The following EFCAB14 variants were observed in gnomAD, a reference collection of about 807,000 sequenced individuals.
EFCAB14 encodes EF-hand calcium-binding domain-containing protein 14.
EFCAB14 carries 43 observed loss-of-function variants against 56.5 expected under a neutral mutation model. That is an observed-to-expected ratio of 0.76 (90% confidence interval 0.60 to 0.98). The LOEUF (loss-of-function observed/expected upper bound fraction) is 0.98. Ranked by LOEUF, EFCAB14 falls within the 50% of genes least tolerant of loss-of-function variation. The pLI is 0.00. For synonymous variants in EFCAB14, 235 were observed against 212.9 expected (o/e 1.10, Z -0.90); for missense variants, 538 against 580.3 (o/e 0.93, Z 0.75).
At chr1:46,693,565 C>T (rs1411781053) in intron 4 of EFCAB14, among the ~76,000 whole-genome samples, 1 of 152,182 alleles carries the variant, frequency 6.6e-6, no homozygotes, top group African/African-American at 2.4e-5. Context: ...TATGTAAGCT[C>T]TGAATGCCTG....
chr1:46,683,502 T>C, intron 9 of EFCAB14, 77 bp from the exon 10 acceptor site: 1 of 1,439,138 alleles, frequency 6.9e-7, no homozygotes, highest in Admixed American at 2.1e-5. Context: ...AGGTCACCTT[T>C]TAGGAAAATT....
At chr1:46,714,333 T>C (rs1312900918) in intron 2 of EFCAB14, among the ~76,000 whole-genome samples, 1 of 151,906 alleles carries the variant, frequency 6.6e-6, no homozygotes, top group Non-Finnish European at 1.5e-5. Context: ...GGTGTGCTCA[T>C]GCTATTAAGG....
intron 2 of EFCAB14, among the ~76,000 whole-genome samples, chr1:46,711,084 A>G (rs1677301806): frequency 6.6e-6 from 1 of 152,220 alleles, no homozygotes; most frequent in Non-Finnish European, 1.5e-5. Context: ...TATTGTGAAT[A>G]ATGCTATAAT....
At chr1:46,689,456 C>G (rs1676954793) in intron 6 of EFCAB14, 131 bp downstream of exon 6, 2 of 779,750 alleles carry the variant, frequency 2.6e-6, no homozygotes, top group Non-Finnish European at 4.3e-6. Context: ...ACATTCCTCT[C>G]TGCTCAGCTC....
In EFCAB14 at chr1:46,718,070, C is replaced by T. The variant is rs778499124; in HGVS notation, c.18G>A (p.Glu6=). 6.2e-7 allele frequency: 1 copy of T among 1,614,056 alleles called. No individual in the cohort carries two copies. The highest frequency in any genetic ancestry group is 8.5e-7 in the Non-Finnish European group (1 of 1,179,972). Residue 6 remains glutamate (E), a synonymous_variant, in exon 1 of 11, where the codon GAG becomes GAA. Coordinates refer to ENST00000371933, the MANE Select transcript of EFCAB14 (RefSeq NM_014774.3). The part of the protein sequence containing the change: MKKRK[E]LNALIGLAGD... ...CAGCCAAACCAATCAATGCATTGAG[C>T]TCTTTGCGCTTTTTCATCTTTTTGT...
intron 4 of EFCAB14, among the ~76,000 whole-genome samples, chr1:46,693,557 T>C (rs1180435726): frequency 6.6e-6 from 1 of 152,204 alleles, no homozygotes; most frequent in African/African-American, 2.4e-5. Context: ...TTGCTATCTA[T>C]GTAAGCTCTG....
chr1:46,680,973 C>CT (rs202142759), intron 10 of EFCAB14, among the ~76,000 whole-genome samples: 262 of 144,494 alleles, frequency 1.8e-3, no homozygotes, highest in Middle Eastern at 7.1e-3. Flanking sequence ...ATATACATAA[C>CT]TTTTTTTTTT....
intron 2 of EFCAB14, among the ~76,000 whole-genome samples, chr1:46,709,659 T>C (rs985322186): frequency 6.6e-6 from 1 of 152,180 alleles, no homozygotes; most frequent in Non-Finnish European, 1.5e-5. Flanking sequence ...ATGGAGTTAA[T>C]GTTATACTAT....
At position 46,688,502 on chromosome 1, in the gene EFCAB14, C is replaced by A. The variant is rs1425867657; in HGVS notation, c.838G>T (p.Ala280Ser). ...TTCTGTCTCTGGTACCCCACTAGGGCACTGTTTACCTCCTCTAAAGAGTTG... is the reference window on the plus strand; with the variant it reads ...TTCTGTCTCTGGTACCCCACTAGGGAACTGTTTACCTCCTCTAAAGAGTTG... ...LHNSLEEVNS[A>S]LVGYQRQNDL... is the part of the protein sequence containing the mutation. Residue 280 changes from alanine to serine, a missense_variant, in exon 7 of 11, where the codon GCC becomes TCC. Physicochemically the swap from Ala to Ser is moderately conservative, Grantham distance 99. Coordinates refer to ENST00000371933, the MANE Select transcript of EFCAB14 (RefSeq NM_014774.3). 1 of 1,613,832 alleles carries A rather than the reference C, an allele frequency of 6.2e-7. No homozygotes were observed. The highest frequency in any genetic ancestry group is 8.5e-7 in the Non-Finnish European group (1 of 1,179,830).
chr1:46,702,333 T>TA (rs1295125660), intron 3 of EFCAB14, among the ~76,000 whole-genome samples: 1 of 152,188 alleles, frequency 6.6e-6, no homozygotes, highest in Non-Finnish European at 1.5e-5. Flanking sequence ...GATGAGTGAT[T>TA]ATTAGTCCTA....
At position 46,677,572 on chromosome 1, in the gene EFCAB14, A is replaced by C. The variant is rs1197471983; in HGVS notation, c.*889T>G. 6.6e-6 allele frequency: 1 copy of C among 152,156 alleles called. No homozygotes were observed. The highest frequency in any genetic ancestry group is 2.4e-5 in the African/African-American group (1 of 41,430). 9.4% of individuals were successfully genotyped at this position (152,156 alleles called of 1,614,324 possible). A position where few individuals can be genotyped will look rare whatever the true frequency, so the allele number is the denominator to read the frequency against. On this transcript the variant is annotated 3_prime_UTR_variant, in exon 11 of 11. Transcript: ENST00000371933. ...GGTGGTGGGAGCCAGCTACGGCTTT[A>C]AGACAGACTTAAGTGGGTGGGTGGG...
chr1:46,709,917 G>T (rs944441373), intron 2 of EFCAB14, among the ~76,000 whole-genome samples: 1 of 152,308 alleles, frequency 6.6e-6, no homozygotes, highest in East Asian at 1.9e-4. Flanking sequence ...GAACCTGGGA[G>T]GTGGAGGTTG....
intron 3 of EFCAB14, among the ~76,000 whole-genome samples, chr1:46,706,501 T>C (rs575173088): frequency 2.6e-5 from 4 of 152,334 alleles, no homozygotes; most frequent in Admixed American, 2.0e-4. Flanking sequence ...TGACTTTGCC[T>C]TTTCATGCTG....
At chr1:46,680,108 G>A (rs1676768424) in intron 10 of EFCAB14, among the ~76,000 whole-genome samples, 1 of 152,148 alleles carries the variant, frequency 6.6e-6, no homozygotes, top group South Asian at 2.1e-4. Context: ...CTCACACATT[G>A]CTGATGGGAA....
At chr1:46,683,200 A>G in intron 10 of EFCAB14, 100 bp downstream of exon 10, 1 of 1,380,376 alleles carries the variant, frequency 7.2e-7, no homozygotes, top group Non-Finnish European at 9.9e-7. Flanking sequence ...TATCTCCTCA[A>G]TAAATGTTAG....
rs543870856 is a variant in EFCAB14 at position 46,686,954 on chromosome 1, A to C, written c.988-84T>G. ...CTTGAACACCTAGCACTTTTAAACA[A>C]ATTCGTCAAACTTATTTAAAGGATC... On this transcript the variant is annotated intron_variant, in intron 7 of 10. Transcript: ENST00000371933. 641 of 1,281,018 alleles carry C rather than the reference A, an allele frequency of 5.0e-4. 9 individuals carry two copies. The South Asian group carries it at 7.3e-3, about 15-fold the overall frequency. The allele number at this position is 1,281,018 out of a possible 1,614,324, so 79.4% of individuals were successfully genotyped here.
At chr1:46,713,298 A>C (rs1024163502) in intron 2 of EFCAB14, among the ~76,000 whole-genome samples, 1 of 152,190 alleles carries the variant, frequency 6.6e-6, no homozygotes, top group Non-Finnish European at 1.5e-5. Context: ...AGCTGGACTG[A>C]CAATTCCAAA....
At position 46,676,481 on chromosome 1, in the gene EFCAB14, A is replaced by G. The variant is rs1406662672; in HGVS notation, c.*1980T>C. On this transcript the variant is annotated 3_prime_UTR_variant, in exon 11 of 11. Coordinates refer to ENST00000371933, the MANE Select transcript of EFCAB14 (RefSeq NM_014774.3). ...GACAAGCTACATTACCCTCAAGTAT[A>G]TTTCATATAAATCAGTTCTCAAAAA... 6.5e-6 allele frequency: 1 copy of G among 152,688 alleles called. No individual in the cohort carries two copies. The highest frequency in any genetic ancestry group is 2.4e-5 in the African/African-American group (1 of 41,468). The allele number at this position is 152,688 out of a possible 1,614,324, so 9.5% of individuals were successfully genotyped here.
chr1:46,688,122 C>T lies in EFCAB14; in HGVS notation c.987+231G>A, dbSNP rs909966032. Reference sequence around the variant, plus strand: ...CAACTAGTGGTGAGGCCTTGGTAAGCGACTCGACCTCTCCGCATCTCCCTC... The same window carrying T: ...CAACTAGTGGTGAGGCCTTGGTAAGTGACTCGACCTCTCCGCATCTCCCTC... On this transcript the variant is annotated intron_variant, in intron 7 of 10. Coordinates refer to ENST00000371933, the MANE Select transcript of EFCAB14 (RefSeq NM_014774.3). Among the ~76,000 whole-genome samples the T allele has an allele frequency of 1.2e-4, 18 of 152,244 alleles. No individual in the cohort carries two copies. The East Asian group carries it at 2.9e-3, about 25-fold the overall frequency.
Sources: allele counts gnomAD v4.1 joint callset (sites outside exome capture counted in the v4.1 genomes callset), GRCh38; gene constraint gnomAD v4.1.1; transcripts MANE v1.5; gene names NCBI Gene and HGNC (gene_info 2026-07-23, HGNC 2026-07-21).